The following TMEM163 variants were observed in gnomAD, a reference collection of about 807,000 sequenced individuals.
TMEM163 encodes transmembrane protein 163.
Under a neutral mutation model 29.3 loss-of-function variants are expected in TMEM163, and 17 were observed. The ratio of observed to expected loss-of-function variants is 0.58; its 90% CI spans 0.40 to 0.87. TMEM163 has a LOEUF of 0.87. TMEM163 is among the 40% of genes least tolerant of loss of function. The pLI is 0.00. For synonymous variants in TMEM163, 157 were observed against 160.6 expected (o/e 0.98, Z 0.17); for missense variants, 303 against 381.5 (o/e 0.79, Z 1.71).
intron 2 of TMEM163, among the ~76,000 whole-genome samples, chr2:134,675,340 T>G (rs572429438): frequency 2.6e-5 from 4 of 152,244 alleles, no homozygotes; most frequent in African/African-American, 9.6e-5. Flanking sequence ...ATCTAAACCA[T>G]GTAGGCATAA....
chr2:134,502,820 A>T (rs543452019), intron 5 of TMEM163, 81 bp downstream of exon 5: 2 of 1,246,388 alleles, frequency 1.6e-6, no homozygotes, highest in East Asian at 4.9e-5. Flanking sequence ...GCCCGACTCC[A>T]CCCGGGAACC....
intron 7 of TMEM163, among the ~76,000 whole-genome samples, chr2:134,457,435 A>G (rs1399521127): frequency 6.6e-6 from 1 of 151,870 alleles, no homozygotes; most frequent in Non-Finnish European, 1.5e-5. Context: ...CCTCTTTTTG[A>G]TGATAGCCAT....
intron 5 of TMEM163, among the ~76,000 whole-genome samples, chr2:134,494,769 A>C (rs1679509216): frequency 6.6e-6 from 1 of 152,230 alleles, no homozygotes. Flanking sequence ...AGAGAGATTA[A>C]ACAGCCAGTT....
At chr2:134,611,843 T>A (rs1043176037) in intron 2 of TMEM163, among the ~76,000 whole-genome samples, 1 of 152,166 alleles carries the variant, frequency 6.6e-6, no homozygotes, top group Non-Finnish European at 1.5e-5. Flanking sequence ...TGAGCCTCCA[T>A]GTTGGGGGAA....
At chr2:134,532,070 A>C (rs1183664264) in intron 4 of TMEM163, among the ~76,000 whole-genome samples, 1 of 152,242 alleles carries the variant, frequency 6.6e-6, no homozygotes, top group Non-Finnish European at 1.5e-5. Context: ...TCATAATATC[A>C]CAGGTAGGAT....
chr2:134,610,461 T>C (rs1361205106), intron 2 of TMEM163, among the ~76,000 whole-genome samples: 1 of 152,260 alleles, frequency 6.6e-6, no homozygotes, highest in African/African-American at 2.4e-5. Flanking sequence ...AATTTAGTGG[T>C]CTGGGGGGAG....
intron 2 of TMEM163, among the ~76,000 whole-genome samples, chr2:134,612,289 G>A (rs1682521336): frequency 6.6e-6 from 1 of 152,190 alleles, no homozygotes; most frequent in Admixed American, 6.5e-5. Context: ...GCCTCTAGTA[G>A]TCAAGGCATA....
Position 134,550,575 on chromosome 2 carries a change from C to T in TMEM163, c.453G>A (p.Glu151=). 1 of 1,614,098 alleles carries T rather than the reference C, an allele frequency of 6.2e-7. No individual in the cohort carries two copies. Among genetic ancestry groups the T allele is most frequent in the South Asian group, 1.1e-5 (1 of 91,084 alleles). The change falls in exon 4 of 8, where the codon GAG becomes GAA. Residue 151 remains glutamate, a synonymous_variant. Coordinates refer to ENST00000281924, the MANE Select transcript of TMEM163 (RefSeq NM_030923.5). ...AAAGACAAGAATCTACTTACATGTA[C>T]TCCCTATGGGCAGAGTGCACAGCGG... ...NAAAVHSAHR[E]YIACVILGVI...
intron 2 of TMEM163, among the ~76,000 whole-genome samples, chr2:134,621,438 A>G (rs1339237261): frequency 6.6e-6 from 1 of 152,246 alleles, no homozygotes; most frequent in Non-Finnish European, 1.5e-5. Context: ...GGTTAAATGT[A>G]AGACTTACCC....
chr2:134,612,746 A>C (rs1682533298), intron 2 of TMEM163, among the ~76,000 whole-genome samples: 1 of 152,266 alleles, frequency 6.6e-6, no homozygotes, highest in African/African-American at 2.4e-5. Context: ...AAAAAGAACT[A>C]GCAGCCAAAA....
At chr2:134,656,256 C>T (rs897746683) in intron 2 of TMEM163, among the ~76,000 whole-genome samples, 2 of 150,908 alleles carry the variant, frequency 1.3e-5, no homozygotes, top group Admixed American at 6.6e-5. Flanking sequence ...CATGGTTCGC[C>T]GCTTTTTAAG....
At chr2:134,556,234 C>T (rs1156628708) in intron 2 of TMEM163, among the ~76,000 whole-genome samples, 1 of 152,200 alleles carries the variant, frequency 6.6e-6, no homozygotes, top group Admixed American at 6.5e-5. Context: ...TCCTCAAATA[C>T]ATTAGCCAAT....
intron 5 of TMEM163, among the ~76,000 whole-genome samples, chr2:134,492,490 T>G (rs1214479665): frequency 6.6e-6 from 1 of 152,222 alleles, no homozygotes; most frequent in East Asian, 1.9e-4. Flanking sequence ...AGTTTTCCCA[T>G]GATTCTTTAA....
chr2:134,541,978 G>C (rs1175069464), intron 4 of TMEM163, among the ~76,000 whole-genome samples: 2 of 152,198 alleles, frequency 1.3e-5, no homozygotes, highest in Non-Finnish European at 2.9e-5. Context: ...ATGGGCGGGG[G>C]TGGGAATGAA....
intron 2 of TMEM163, among the ~76,000 whole-genome samples, chr2:134,679,956 T>A (rs1684196016): frequency 7.0e-6 from 1 of 142,694 alleles, no homozygotes; most frequent in East Asian, 2.2e-4. Context: ...CCTGCCAGAA[T>A]AAACGTACTT....
At chr2:134,643,841 A>T (rs1683272218) in intron 2 of TMEM163, among the ~76,000 whole-genome samples, 1 of 152,054 alleles carries the variant, frequency 6.6e-6, no homozygotes, top group Admixed American at 6.5e-5. Flanking sequence ...TTTGCAGATG[A>T]TATGATTTTC....
intron 5 of TMEM163, among the ~76,000 whole-genome samples, chr2:134,480,019 CT>C (rs1412551907): frequency 6.6e-6 from 1 of 152,218 alleles, no homozygotes; most frequent in Non-Finnish European, 1.5e-5. Flanking sequence ...GTCAGCTTTT[CT>C]CCTGGAAGAC....
intron 5 of TMEM163, among the ~76,000 whole-genome samples, chr2:134,473,926 A>C (rs980033081): frequency 3.3e-5 from 5 of 152,244 alleles, no homozygotes; most frequent in African/African-American, 1.2e-4. Flanking sequence ...AAATCTGCCA[A>C]ACATTTAATC....
chr2:134,570,146 T>C (rs1422396742), intron 2 of TMEM163, among the ~76,000 whole-genome samples: 2 of 151,914 alleles, frequency 1.3e-5, no homozygotes, highest in African/African-American at 4.8e-5. Flanking sequence ...AAGGTGAAAG[T>C]TGTTAATAAG....
Sources: gnomAD v4.1 joint callset for allele counts (sites outside exome capture counted in the v4.1 genomes callset) on GRCh38, gnomAD v4.1.1 for gene constraint, MANE v1.5 for transcripts, NCBI Gene and HGNC (gene_info 2026-07-23, HGNC 2026-07-21) for gene names.